BLTP1: variants seen among roughly 807,000 people sequenced by gnomAD.
The protein encoded by BLTP1 is bridge-like lipid transfer protein family member 1, also known as fragile site-associated protein.
At chr4:122,170,722 C>T in the BLTP1 span, 3 of 1,596,542 alleles carry the variant, frequency 1.9e-6, no homozygotes, top group Non-Finnish European at 2.6e-6. Flanking sequence ...AACACAATTC[C>T]AATGTTGTTT....
chr4:122,336,120 A>G, the BLTP1 span: 1 of 1,272,160 alleles, frequency 7.9e-7, no homozygotes, highest in Admixed American at 2.5e-5. Context: ...ATTAAACTTT[A>G]ATATAATTCA....
At chr4:122,256,874 C>T in the BLTP1 span, 1 of 282,016 alleles carries the variant, frequency 3.5e-6, no homozygotes, top group Non-Finnish European at 5.3e-6. Flanking sequence ...TTTACTTCCT[C>T]TTTGCTTATT....
chr4:122,267,916 G>C, the BLTP1 span, among the ~76,000 whole-genome samples: 1 of 151,974 alleles, frequency 6.6e-6, no homozygotes, highest in East Asian at 1.9e-4. Context: ...CATCCTTTTT[G>C]TGTTTTTGCA....
chr4:122,331,295 A>G, the BLTP1 span: 2 of 1,589,924 alleles, frequency 1.3e-6, no homozygotes, highest in South Asian at 1.1e-5. Context: ...TCATTTTACT[A>G]CAATGTAATG....
At chr4:122,266,693 A>G in the BLTP1 span, 1 of 1,197,702 alleles carries the variant, frequency 8.3e-7, no homozygotes, top group Non-Finnish European at 1.1e-6. Context: ...GAGGTAGGGT[A>G]AGAAATAAAA....
the BLTP1 span, chr4:122,331,939 C>A: frequency 4.1e-6 from 1 of 243,154 alleles, no homozygotes; most frequent in Non-Finnish European, 6.6e-6. Flanking sequence ...GACTGGGAGA[C>A]AGTTACACAG....
the BLTP1 span, chr4:122,339,125 T>C: frequency 1.4e-6 from 2 of 1,444,840 alleles, no homozygotes; most frequent in Non-Finnish European, 1.9e-6. Flanking sequence ...CTTAAGTTTA[T>C]TTGAACATTT....
At chr4:122,306,247 C>A in the BLTP1 span, among the ~76,000 whole-genome samples, 1 of 152,012 alleles carries the variant, frequency 6.6e-6, no homozygotes, top group Admixed American at 6.6e-5. Flanking sequence ...ATTTTGTCTT[C>A]TGGCTGGATA....
the BLTP1 span, chr4:122,352,812 C>T: frequency 1.3e-6 from 2 of 1,488,792 alleles, no homozygotes; most frequent in Non-Finnish European, 1.8e-6. Flanking sequence ...TCACCTGAGA[C>T]TGTAGAAAGT....
the BLTP1 span, chr4:122,359,734 G>C: frequency 6.3e-7 from 1 of 1,597,290 alleles, no homozygotes; most frequent in Non-Finnish European, 8.5e-7. Flanking sequence ...TAAGTAATGA[G>C]TATATACATT....
the BLTP1 span, chr4:122,288,739 TGGC>T: frequency 1.7e-6 from 1 of 594,610 alleles, no homozygotes; most frequent in South Asian, 7.4e-5. Flanking sequence ...ACCACAAAAG[TGGC>T]CATTAAAATG....
At chr4:122,174,123 G>C in the BLTP1 span, 3 of 833,546 alleles carry the variant, frequency 3.6e-6, no homozygotes, top group Non-Finnish European at 4.3e-6. Flanking sequence ...GAGATGACTG[G>C]AGAGAACCAT....
At chr4:122,305,389 C>G in the BLTP1 span, 5 of 950,046 alleles carry the variant, frequency 5.3e-6, no homozygotes, top group Non-Finnish European at 6.3e-6. Context: ...CAGTTAGATT[C>G]TCTATTTTAT....
At chr4:122,362,453 A>G in the BLTP1 span, 8 of 407,458 alleles carry the variant, frequency 2.0e-5, no homozygotes, top group African/African-American at 1.6e-4. Flanking sequence ...GTGAAAAACT[A>G]GATTAAAATA....
chr4:122,190,070 G>A, the BLTP1 span: 1 of 1,613,024 alleles, frequency 6.2e-7, no homozygotes, highest in South Asian at 1.1e-5. Context: ...CTACTACATG[G>A]ATGAGCCAGG....
At chr4:122,208,306 C>A in the BLTP1 span, 1 of 736,278 alleles carries the variant, frequency 1.4e-6, no homozygotes, top group Non-Finnish European at 1.7e-6. Flanking sequence ...ACTCATCATA[C>A]AACTAGAGAG....
chr4:122,300,852 A>G, the BLTP1 span: 1 of 879,856 alleles, frequency 1.1e-6, no homozygotes, highest in Non-Finnish European at 1.4e-6. Context: ...ATGGAAAGAG[A>G]AGTGGAAACA....
chr4:122,184,322 A>G, the BLTP1 span, among the ~76,000 whole-genome samples: 10 of 152,178 alleles, frequency 6.6e-5, no homozygotes, highest in Non-Finnish European at 1.0e-4. Context: ...TTTTTTAGAT[A>G]GTTGATAGCA....
the BLTP1 span, chr4:122,154,090 G>A: frequency 3.1e-6 from 3 of 980,194 alleles, no homozygotes; most frequent in African/African-American, 5.4e-5. Flanking sequence ...ACAGAACGTT[G>A]CAAACTCTGG....
Sources: allele counts gnomAD v4.1 joint callset (sites outside exome capture counted in the v4.1 genomes callset), GRCh38; gene constraint gnomAD v4.1.1; transcripts MANE v1.5; gene names NCBI Gene and HGNC (gene_info 2026-07-23, HGNC 2026-07-21).